Variants in CDKAL1 observed in about 807,000 individuals in gnomAD.
CDKAL1 encodes CDKAL1 threonylcarbamoyladenosine tRNA methylthiotransferase.
A neutral mutation model predicts 68.2 loss-of-function variants in CDKAL1; 32 were observed. The ratio of observed to expected loss-of-function variants is 0.47; its 90% CI spans 0.35 to 0.63. The LOEUF (loss-of-function observed/expected upper bound fraction) is 0.63. Among genes scored for constraint, CDKAL1 ranks in the 30% least tolerant of loss-of-function variants. The pLI is 0.00. For missense variants in CDKAL1, 606 were observed against 696.7 expected (o/e 0.87, Z 1.47); for synonymous variants, 234 against 244.3 (o/e 0.96, Z 0.39).
chr6:20,848,466 A>G (rs960436703), intron 9 of CDKAL1, among the ~76,000 whole-genome samples: 1 of 152,154 alleles, frequency 6.6e-6, no homozygotes, highest in South Asian at 2.1e-4. Flanking sequence ...ACCAATTTAC[A>G]GCGTATTGCT....
intron 6 of CDKAL1, among the ~76,000 whole-genome samples, chr6:20,742,981 A>G (rs1773521699): frequency 6.6e-6 from 1 of 152,130 alleles, no homozygotes; most frequent in African/African-American, 2.4e-5. Context: ...CTTTAGAGAG[A>G]CCTACTTTTG....
Position 20,781,233 on chromosome 6 carries a change from T to G in CDKAL1, c.606T>G (p.Asn202Lys), listed in dbSNP as rs1290084021. The G allele has an allele frequency of 6.2e-7, 1 of 1,613,584 alleles. No homozygotes were observed. The highest frequency in any genetic ancestry group is 1.3e-5 in the African/African-American group (1 of 75,038). ...ARLDLPKIRK[N>K]PLIEIISINT... The stretch of plus-strand genomic sequence containing the variant: ...TGGATTTGCCGAAGATTAGGAAGAA[T>G]CCACTGATAGAAATCATTTCCATCA... Residue 202 changes from asparagine (N) to lysine (K), a missense_variant, in exon 8 of 16, where the codon AAT becomes AAG. Asn to Lys is a moderately conservative substitution (Grantham distance 94). Coordinates refer to ENST00000274695, the MANE Select transcript of CDKAL1 (RefSeq NM_017774.3).
At chr6:21,203,325 C>A (rs911615618) in intron 15 of CDKAL1, among the ~76,000 whole-genome samples, 1 of 149,582 alleles carries the variant, frequency 6.7e-6, no homozygotes, top group Non-Finnish European at 1.5e-5. Flanking sequence ...CAGCCTCCAC[C>A]CCCCAAGTTC....
chr6:21,138,247 G>GTA (rs33951051), intron 13 of CDKAL1, among the ~76,000 whole-genome samples: 1 of 151,876 alleles, frequency 6.6e-6, no homozygotes, highest in Admixed American at 6.6e-5. Flanking sequence ...CTGTGTGTGT[G>GTA]TGTGTGTGTA....
intron 4 of CDKAL1, among the ~76,000 whole-genome samples, chr6:20,634,795 T>C (rs7756031): frequency 0.42 from 63,462 of 151,384 alleles, 13,851 homozygotes; most frequent in Middle Eastern, 0.53. Flanking sequence ...CTGACCAACA[T>C]GGTGAAACCC....
rs1764200644 is a variant in CDKAL1, at chr6:20,945,645, T to C, written c.743-9774T>C. The stretch of plus-strand genomic sequence containing the variant: ...ATTGGTTTGTTTGCTGGATTTCAAC[T>C]TAAATAATGCTAAGTGAGAATCTGG... On this transcript the variant is annotated intron_variant, in intron 9 of 15. Transcript: ENST00000274695. Among the ~76,000 whole-genome samples the C allele has an allele frequency of 4.6e-5, 7 of 152,306 alleles. No homozygotes were observed. The South Asian group carries it at 1.5e-3, about 32-fold the overall frequency.
intron 9 of CDKAL1, among the ~76,000 whole-genome samples, chr6:20,875,250 G>A (rs1301401784): frequency 1.4e-5 from 2 of 141,338 alleles, no homozygotes; most frequent in Non-Finnish European, 3.0e-5. Context: ...AGTGAGCCGA[G>A]ATTGCGCCAC....
intron 4 of CDKAL1, among the ~76,000 whole-genome samples, chr6:20,638,231 G>A (rs556488083): frequency 1.1e-4 from 16 of 152,286 alleles, no homozygotes; most frequent in African/African-American, 3.4e-4. Context: ...ATTTTTGACA[G>A]TCTAGTAAGT....
At chr6:20,873,319 A>C (rs1054252513) in intron 9 of CDKAL1, among the ~76,000 whole-genome samples, 2 of 152,178 alleles carry the variant, frequency 1.3e-5, no homozygotes, top group Non-Finnish European at 2.9e-5. Context: ...ACTCTTTGTC[A>C]TAGGTCTCTA....
At chr6:20,811,962 C>A (rs2150423786) in intron 8 of CDKAL1, among the ~76,000 whole-genome samples, 1 of 152,298 alleles carries the variant, frequency 6.6e-6, no homozygotes, top group Admixed American at 6.5e-5. Context: ...GATCCCTGGT[C>A]ATACGTAATC....
At chr6:20,905,228 AAT>A (rs1326359076) in intron 9 of CDKAL1, among the ~76,000 whole-genome samples, 1 of 152,226 alleles carries the variant, frequency 6.6e-6, no homozygotes, top group Non-Finnish European at 1.5e-5. Context: ...ACAAACTAGA[AAT>A]ATTAAGAAAG....
At chr6:20,740,680 A>G (rs1371549745) in intron 6 of CDKAL1, among the ~76,000 whole-genome samples, 3 of 152,172 alleles carry the variant, frequency 2.0e-5, no homozygotes, top group Non-Finnish European at 4.4e-5. Context: ...TTCTTGTATC[A>G]TGTTCTCAGT....
Position 21,205,791 on chromosome 6 carries a change from A to G in CDKAL1, c.1548+4517A>G, listed in dbSNP as rs193297764. Among the ~76,000 whole-genome samples, 1,224 of 144,406 alleles carry G rather than the reference A, an allele frequency of 8.5e-3. 19 individuals are homozygous for G. The highest frequency in any genetic ancestry group is 0.03 in the African/African-American group (1,153 of 38,462). The allele number at this position is 144,406 out of a possible 152,430, so 94.7% of individuals were successfully genotyped here. ...CGTGATCTGCCCGCCTTGGCCTCCC[A>G]AAGTGCTGGGATTACATGCGTGAGC... On this transcript the variant is annotated intron_variant, in intron 15 of 15. Coordinates refer to ENST00000274695, the MANE Select transcript of CDKAL1 (RefSeq NM_017774.3).
intron 13 of CDKAL1, among the ~76,000 whole-genome samples, chr6:21,160,872 C>G (rs1050229319): frequency 4.6e-5 from 7 of 151,526 alleles, no homozygotes; most frequent in Non-Finnish European, 7.4e-5. Flanking sequence ...CCTTGCCCCC[C>G]ACTCTCCGAT....
chr6:21,185,121 A>C (rs1254589162), intron 13 of CDKAL1, among the ~76,000 whole-genome samples: 1 of 152,062 alleles, frequency 6.6e-6, no homozygotes, highest in Non-Finnish European at 1.5e-5. Context: ...AGTGGTTCCT[A>C]TCTACATCTG....
chr6:21,150,643 G>T (rs1776372899), intron 13 of CDKAL1, among the ~76,000 whole-genome samples: 1 of 152,210 alleles, frequency 6.6e-6, no homozygotes, highest in Non-Finnish European at 1.5e-5. Context: ...AGAGGAAGCA[G>T]TCAAGTCCAC....
intron 8 of CDKAL1, among the ~76,000 whole-genome samples, chr6:20,840,607 A>T (rs916475362): frequency 6.6e-6 from 1 of 152,194 alleles, no homozygotes; most frequent in East Asian, 1.9e-4. Context: ...GGGCACAGGA[A>T]GCTTAAAGAA....
chr6:20,602,500 A>G (rs1365369326), intron 4 of CDKAL1, among the ~76,000 whole-genome samples: 2 of 152,130 alleles, frequency 1.3e-5, no homozygotes, highest in Non-Finnish European at 2.9e-5. Context: ...GCTTGCTATT[A>G]TTGCTTGCTA....
chr6:20,740,677 ATCATGT>A (rs1301232433), intron 6 of CDKAL1, among the ~76,000 whole-genome samples: 3 of 152,200 alleles, frequency 2.0e-5, no homozygotes, highest in Non-Finnish European at 4.4e-5. Context: ...AGGTTCTTGT[ATCATGT>A]TCTCAGTGTA....
Sources: allele counts gnomAD v4.1 joint callset (sites outside exome capture counted in the v4.1 genomes callset), GRCh38; gene constraint gnomAD v4.1.1; transcripts MANE v1.5; gene names NCBI Gene and HGNC (gene_info 2026-07-23, HGNC 2026-07-21).